ATP10B: variants seen among roughly 807,000 people sequenced by gnomAD.
ATP10B encodes the protein ATPase phospholipid transporting 10B (putative).
In ATP10B, 122 loss-of-function variants were observed where a neutral mutation model predicts 141.2. That is an observed-to-expected ratio of 0.86 (90% CI 0.75 to 1.00). ATP10B has a LOEUF of 1.00. ATP10B is among the 50% of genes least tolerant of loss of function. ATP10B has a pLI of 0.00. For missense variants in ATP10B, 1,876 were observed against 1,825.3 expected (o/e 1.03, Z -0.51); for synonymous variants, 685 against 692.0 (o/e 0.99, Z 0.16).
intron 2 of ATP10B, among the ~76,000 whole-genome samples, chr5:160,780,974 C>T (rs1770677829): frequency 6.6e-6 from 1 of 152,106 alleles, no homozygotes; most frequent in African/African-American, 2.4e-5. Context: ...AAGGAGTAAA[C>T]TGTTGTTTTG....
chr5:160,752,021 C>T (rs1039886473), intron 2 of ATP10B, among the ~76,000 whole-genome samples: 3 of 152,012 alleles, frequency 2.0e-5, no homozygotes, highest in African/African-American at 4.8e-5. Flanking sequence ...AAGACGGCTG[C>T]GGCTGCTCAT....
At chr5:160,656,075 CT>C (rs1761475501) in intron 7 of ATP10B, among the ~76,000 whole-genome samples, 2 of 152,222 alleles carry the variant, frequency 1.3e-5, no homozygotes, top group Admixed American at 1.3e-4. Context: ...TTCCCTTGCG[CT>C]TGCCTCAAGT....
At chr5:160,810,163 T>A (rs72820518) in intron 1 of ATP10B, among the ~76,000 whole-genome samples, 16,871 of 152,102 alleles carry the variant, frequency 0.11, 1,140 homozygotes, top group East Asian at 0.18. Flanking sequence ...GTTCATTAGT[T>A]TGTTTTTTAA....
the ATP10B span, among the ~76,000 whole-genome samples, chr5:160,864,387 T>A: frequency 2.5e-4 from 38 of 152,124 alleles, no homozygotes; most frequent in East Asian, 7.1e-3. Flanking sequence ...CATTTCTCTA[T>A]GATAAAAAAC....
intron 2 of ATP10B, among the ~76,000 whole-genome samples, chr5:160,754,543 G>A (rs1334534505): frequency 2.6e-5 from 4 of 152,220 alleles, no homozygotes; most frequent in Non-Finnish European, 4.4e-5. Context: ...GGACTCAGGT[G>A]ACCTCCAAGC....
chr5:160,652,638 T>C (rs1191041206), intron 7 of ATP10B, among the ~76,000 whole-genome samples: 1 of 136,058 alleles, frequency 7.3e-6, no homozygotes, highest in African/African-American at 2.8e-5. Context: ...TTATATTTTA[T>C]AAAATAAAAT....
chr5:160,865,790 A>C, the ATP10B span, among the ~76,000 whole-genome samples: 1 of 152,184 alleles, frequency 6.6e-6, no homozygotes, highest in Non-Finnish European at 1.5e-5. Flanking sequence ...CAAGATACAC[A>C]AACAGCCAAC....
rs765657906 is a variant in ATP10B at position 160,589,553 on chromosome 5, A to G, written c.3750+39T>C. 4 of 1,482,504 alleles carry G rather than the reference A, an allele frequency of 2.7e-6. No individual in the cohort carries two copies. The South Asian group carries it at 4.5e-5, about 17-fold the overall frequency. 91.8% of individuals were successfully genotyped at this position (1,482,504 alleles called of 1,614,324 possible). A position where few individuals can be genotyped will look rare whatever the true frequency, so the allele number is the denominator to read the frequency against. On this transcript the variant is annotated intron_variant, in intron 24 of 25. Coordinates refer to ENST00000327245, the MANE Select transcript of ATP10B (RefSeq NM_025153.3). ...AATTTGAGTATAGTCAATGGGCAGGAGCACAGTTTTGAAGCCAAAGGGGCT... is the reference window on the plus strand; with the variant it reads ...AATTTGAGTATAGTCAATGGGCAGGGGCACAGTTTTGAAGCCAAAGGGGCT...
rs1406542260 is a variant in ATP10B, at chr5:160,563,495, T to C, written c.*1958A>G. 2 of 152,228 alleles carry C rather than the reference T, an allele frequency of 1.3e-5. No individual in the cohort carries two copies. The highest frequency in any genetic ancestry group is 4.8e-5 in the African/African-American group (2 of 41,474). The allele number at this position is 152,228 out of a possible 1,614,324, so 9.4% of individuals were successfully genotyped here. On this transcript the variant is annotated 3_prime_UTR_variant, in exon 26 of 26. Coordinates refer to ENST00000327245, the MANE Select transcript of ATP10B (RefSeq NM_025153.3). ...GACATTATTTTTTAACTTCTCCACC[T>C]ATTTTCCCTTTAGCTGTGAAATAAA...
chr5:160,746,774 A>T (rs535405159), intron 2 of ATP10B, among the ~76,000 whole-genome samples: 1 of 152,304 alleles, frequency 6.6e-6, no homozygotes, highest in East Asian at 1.9e-4. Flanking sequence ...TATACCTCTG[A>T]ATATTCACTA....
chr5:160,732,792 T>C (rs910416255), intron 2 of ATP10B, among the ~76,000 whole-genome samples: 1 of 152,180 alleles, frequency 6.6e-6, no homozygotes, highest in Non-Finnish European at 1.5e-5. Context: ...CCTTCTGTGG[T>C]TTCATAAGAA....
intron 3 of ATP10B, among the ~76,000 whole-genome samples, chr5:160,698,623 G>A (rs1227617925): frequency 6.6e-6 from 1 of 152,114 alleles, no homozygotes; most frequent in Non-Finnish European, 1.5e-5. Context: ...AGGGTACAAG[G>A]TGAAGTGCAG....
the ATP10B span, among the ~76,000 whole-genome samples, chr5:160,884,095 T>C: frequency 3.3e-5 from 5 of 152,208 alleles, no homozygotes; most frequent in Admixed American, 3.3e-4. Flanking sequence ...ATAAGTATAA[T>C]TCACTGTTGC....
the ATP10B span, among the ~76,000 whole-genome samples, chr5:160,897,126 A>G: frequency 1.3e-5 from 2 of 152,100 alleles, no homozygotes; most frequent in African/African-American, 4.8e-5. Context: ...CCTTTGAAAA[A>G]CAGTACAAGA....
chr5:160,776,267 T>C (rs1397301901), intron 2 of ATP10B, among the ~76,000 whole-genome samples: 1 of 152,232 alleles, frequency 6.6e-6, no homozygotes, highest in East Asian at 1.9e-4. Flanking sequence ...ATGAGGCAGA[T>C]GACCTAAGTT....
intron 2 of ATP10B, among the ~76,000 whole-genome samples, chr5:160,765,532 C>G (rs1769335952): frequency 6.6e-6 from 1 of 152,114 alleles, no homozygotes; most frequent in Admixed American, 6.5e-5. Flanking sequence ...AAAACTGGAT[C>G]CTTATCTCTT....
chr5:160,644,618 A>C (rs138484344), intron 8 of ATP10B, among the ~76,000 whole-genome samples: 2,827 of 152,258 alleles, frequency 0.019, 51 homozygotes, highest in Middle Eastern at 0.054. Context: ...GATGGTGATG[A>C]GAGTGACCTC....
chr5:160,591,401 T>C (rs1283675273), intron 22 of ATP10B, among the ~76,000 whole-genome samples: 3 of 152,230 alleles, frequency 2.0e-5, no homozygotes, highest in Non-Finnish European at 4.4e-5. Context: ...TAACACAGCC[T>C]ATCTCCTTGG....
At chr5:160,894,288 G>A in the ATP10B span, among the ~76,000 whole-genome samples, 1 of 151,950 alleles carries the variant, frequency 6.6e-6, no homozygotes, top group Admixed American at 6.6e-5. Context: ...CCCAATGCAA[G>A]GAAGCTAAGA....
Sources: allele counts gnomAD v4.1 joint callset (sites outside exome capture counted in the v4.1 genomes callset), GRCh38; gene constraint gnomAD v4.1.1; transcripts MANE v1.5; gene names NCBI Gene and HGNC (gene_info 2026-07-23, HGNC 2026-07-21).